Variants in TBC1D9B observed in about 807,000 individuals in gnomAD.
The protein encoded by TBC1D9B is TBC1 domain family, member 9B (with GRAM domain).
TBC1D9B carries 87 observed loss-of-function variants against 121.1 expected under a neutral mutation model. The ratio of observed to expected loss-of-function variants is 0.72; its 90% CI spans 0.60 to 0.86. The LOEUF is 0.86. Among genes scored for constraint, TBC1D9B ranks in the 40% least tolerant of loss-of-function variants. TBC1D9B has a pLI of 0.00. For missense variants in TBC1D9B, 1,540 were observed against 1,628.6 expected (o/e 0.95, Z 0.94); for synonymous variants, 668 against 670.1 (o/e 1.00, Z 0.05).
intron 3 of TBC1D9B, among the ~76,000 whole-genome samples, chr5:179,895,363 T>C (rs1760990164): frequency 6.6e-6 from 1 of 152,110 alleles, no homozygotes; most frequent in Non-Finnish European, 1.5e-5. Context: ...TTTTCCTCTT[T>C]CCCCCTTTAT....
intron 3 of TBC1D9B, among the ~76,000 whole-genome samples, chr5:179,897,848 A>G (rs1283520402): frequency 6.6e-6 from 1 of 152,124 alleles, no homozygotes; most frequent in Admixed American, 6.5e-5. Context: ...TTGAACCCCA[A>G]AGTGCACTGA....
Position 179,907,773 on chromosome 5 carries a change from T to G in TBC1D9B, c.49A>C (p.Thr17Pro). The change falls in exon 1 of 21, where the codon ACG (threonine) becomes CCG (proline). Residue 17 changes from threonine to proline, a missense_variant. By Grantham distance (38) the Thr-to-Pro change is conservative. Coordinates refer to ENST00000355235, the MANE Select transcript of TBC1D9B (RefSeq NM_015043.4). The surrounding 1 kb of genome is among the most constrained non-coding windows in gnomAD (Gnocchi z 5.3). ...ACGAAGAAGGGGTTGGCCCGCTCCGTCACCCACAGCGCATTGGCCACCAGC... is the reference window on the plus strand; with the variant it reads ...ACGAAGAAGGGGTTGGCCCGCTCCGGCACCCACAGCGCATTGGCCACCAGC... ...EVLVANALWV[T>P]ERANPFFVLQ... 1 of 1,229,218 alleles carries G rather than the reference T, an allele frequency of 8.1e-7. No individual in the cohort carries two copies. Among genetic ancestry groups the G allele is most frequent in the Non-Finnish European group, 1.0e-6 (1 of 957,398 alleles). 76.1% of individuals were successfully genotyped at this position (1,229,218 alleles called of 1,614,324 possible). A position where few individuals can be genotyped will look rare whatever the true frequency, so the allele number is the denominator to read the frequency against.
chr5:179,869,983 G>T, intron 16 of TBC1D9B, 149 bp from the exon 17 acceptor site: 1 of 952,632 alleles, frequency 1.0e-6, no homozygotes, highest in East Asian at 2.6e-5. Context: ...CTGTCTCCCT[G>T]GCGTCCTGCT....
intron 7 of TBC1D9B, among the ~76,000 whole-genome samples, chr5:179,883,624 T>C (rs1233584387): frequency 6.6e-6 from 1 of 152,190 alleles, no homozygotes. Flanking sequence ...TTTTAAACAT[T>C]TTTAATTTAT....
In TBC1D9B at chr5:179,904,755, T is replaced by C; in HGVS notation, c.176A>G (p.Tyr59Cys). 6.3e-7 allele frequency: 1 copy of C among 1,580,842 alleles called. No homozygotes were observed. The change falls in exon 2 of 21, where the codon TAC becomes TGC. Residue 59 changes from tyrosine (Y) to cysteine (C), a missense_variant. Tyr to Cys is a radical substitution (Grantham distance 194, BLOSUM62 -2). Transcript: ENST00000355235. This position sits in a 1 kb window ranked among gnomAD's most constrained non-coding sequence, Gnocchi z 4.2. ...VLDSSARVAP[Y>C]RILHQTQDSQ... ...GTCCTGGGTCTGGTGCAGGATGCGG[T>C]AAGGGGCCACGCGGGCACTGGAGTC...
rs763147308 is a variant in TBC1D9B, at chr5:179,879,041, A to G, written c.1567+6T>C. On this transcript the variant is annotated splice_donor_region_variant and intron_variant, in intron 9 of 20. Transcript: ENST00000355235. ...CTGAGGCTGGGGGTGGCTGCACCCCACTCACCGGAGAAGAGGAGCCACAGC... is the reference window on the plus strand; with the variant it reads ...CTGAGGCTGGGGGTGGCTGCACCCCGCTCACCGGAGAAGAGGAGCCACAGC... 5.0e-6 allele frequency: 8 copies of G among 1,600,110 alleles called. No individual in the cohort carries two copies. Among genetic ancestry groups the G allele is most frequent in the East Asian group, 2.2e-5 (1 of 44,828 alleles).
chr5:179,872,848 G>GGCCCCCCCCCCCCCC, intron 14 of TBC1D9B, 44 bp downstream of exon 14: 5 of 1,457,248 alleles, frequency 3.4e-6, no homozygotes, highest in East Asian at 2.4e-5. Flanking sequence ...AGGCACTGCT[G>GGCCCCCCCCCCCCCC]CCCCCCCAGC....
At chr5:179,888,887 A>G (rs576789652) in intron 6 of TBC1D9B, among the ~76,000 whole-genome samples, 1 of 152,058 alleles carries the variant, frequency 6.6e-6, no homozygotes, top group African/African-American at 2.4e-5. Context: ...CTGAGCTGAG[A>G]CCTGGTCCAG....
intron 10 of TBC1D9B, among the ~76,000 whole-genome samples, chr5:179,877,460 C>T (rs1412962296): frequency 6.6e-6 from 1 of 151,614 alleles, no homozygotes; most frequent in Non-Finnish European, 1.5e-5. Flanking sequence ...GTCAGGAGTT[C>T]AAGACCAGCC....
intron 15 of TBC1D9B, 87 bp from the exon 16 acceptor site, chr5:179,870,582 C>G (rs910693629): frequency 6.1e-6 from 9 of 1,486,602 alleles, no homozygotes; most frequent in African/African-American, 2.8e-5. Context: ...CCACCCTCCC[C>G]CTCTGTCCAA....
chr5:179,904,618 C>G lies in TBC1D9B; in HGVS notation c.229+84G>C. On this transcript the variant is annotated intron_variant, in intron 2 of 20. Coordinates refer to ENST00000355235, the MANE Select transcript of TBC1D9B (RefSeq NM_015043.4). The surrounding 1 kb of genome is among the most constrained non-coding windows in gnomAD (Gnocchi z 4.2). Reference sequence around the variant, plus strand: ...GTCAGCAGGGAATACCACCCAGACACGTGGGCTACACACCCCTTCCTCTCG... The same window carrying G: ...GTCAGCAGGGAATACCACCCAGACAGGTGGGCTACACACCCCTTCCTCTCG... 1 of 1,178,860 alleles carries G rather than the reference C, an allele frequency of 8.5e-7. No homozygotes were observed. The highest frequency in any genetic ancestry group is 1.2e-6 in the Non-Finnish European group (1 of 816,782). 73.0% of individuals were successfully genotyped at this position (1,178,860 alleles called of 1,614,324 possible). A position where few individuals can be genotyped will look rare whatever the true frequency, so the allele number is the denominator to read the frequency against.
At chr5:179,900,638 C>T (rs547039983) in intron 2 of TBC1D9B, among the ~76,000 whole-genome samples, 6 of 152,268 alleles carry the variant, frequency 3.9e-5, no homozygotes, top group East Asian at 3.9e-4. Flanking sequence ...GTCGACTGAC[C>T]GATACATAAC....
Position 179,862,670 on chromosome 5 carries a change from T to C in TBC1D9B, c.*778A>G. 1 of 439,550 alleles carries C rather than the reference T, an allele frequency of 2.3e-6. No individual in the cohort carries two copies. The highest frequency in any genetic ancestry group is 4.7e-6 in the Non-Finnish European group (1 of 212,478). The allele number at this position is 439,550 out of a possible 1,614,324, so 27.2% of individuals were successfully genotyped here. On this transcript the variant is annotated 3_prime_UTR_variant, in exon 21 of 21. Transcript: ENST00000355235. ...CAGAACACAGCCAGGGCCCCATACT[T>C]GGCCTGGGGAGAAGTTGGGAGGCCT... is the stretch of plus-strand genomic sequence containing the variant.
intron 1 of TBC1D9B, among the ~76,000 whole-genome samples, chr5:179,906,591 C>T (rs1204250805): frequency 2.6e-5 from 4 of 152,154 alleles, no homozygotes; most frequent in Admixed American, 1.3e-4. Flanking sequence ...AGGTTAGCCA[C>T]AGGGGCTGCC....
chr5:179,895,128 TG>T (rs1177967075), intron 3 of TBC1D9B, among the ~76,000 whole-genome samples: 5 of 152,350 alleles, frequency 3.3e-5, no homozygotes, highest in Admixed American at 3.3e-4. Flanking sequence ...CCCAAAGTGC[TG>T]GGATTACAGG....
chr5:179,895,294 T>G (rs138952343), intron 3 of TBC1D9B, among the ~76,000 whole-genome samples: 1 of 152,364 alleles, frequency 6.6e-6, no homozygotes, highest in African/African-American at 2.4e-5. Context: ...CTCTCTGTAG[T>G]GACTTTCCTG....
chr5:179,895,110 C>T (rs1334070139), intron 3 of TBC1D9B, among the ~76,000 whole-genome samples: 1 of 152,214 alleles, frequency 6.6e-6, no homozygotes, highest in Non-Finnish European at 1.5e-5. Context: ...ATCCGCCCGC[C>T]TCAGCCTCCC....
At position 179,862,704 on chromosome 5, in the gene TBC1D9B, G is replaced by C. The variant is rs1759879729; in HGVS notation, c.*744C>G. Reference sequence around the variant, plus strand: ...GAGAAGTTGGGAGGCCTAAGCAGTGGTTGGGGGCCACAGCAAGGCATTGCA... The same window carrying C: ...GAGAAGTTGGGAGGCCTAAGCAGTGCTTGGGGGCCACAGCAAGGCATTGCA... On this transcript the variant is annotated 3_prime_UTR_variant, in exon 21 of 21. Coordinates refer to ENST00000355235, the MANE Select transcript of TBC1D9B (RefSeq NM_015043.4). 2.3e-6 allele frequency: 1 copy of C among 427,570 alleles called. No individual in the cohort carries two copies. The highest frequency in any genetic ancestry group is 4.9e-6 in the Non-Finnish European group (1 of 203,538). The allele number at this position is 427,570 out of a possible 1,614,324, so 26.5% of individuals were successfully genotyped here.
At chr5:179,887,876 AG>A in intron 7 of TBC1D9B, 4 of 604,062 alleles carry the variant, frequency 6.6e-6, no homozygotes, top group Non-Finnish European at 1.2e-5. Flanking sequence ...CAATGGGCCC[AG>A]CAGGAGTGAG....
Sources: allele counts gnomAD v4.1 joint callset (sites outside exome capture counted in the v4.1 genomes callset), GRCh38; gene constraint gnomAD v4.1.1; non-coding constraint Gnocchi (gnomAD v3.1); transcripts MANE v1.5; gene names NCBI Gene and HGNC (gene_info 2026-07-23, HGNC 2026-07-21).